The following CDC42BPB variants were observed in gnomAD, a reference collection of about 807,000 sequenced individuals.
CDC42BPB encodes serine/threonine-protein kinase MRCK beta.
CDC42BPB carries 37 observed loss-of-function variants against 214.9 expected under a neutral mutation model. That is an observed-to-expected ratio of 0.17 (90% CI 0.13 to 0.23). The LOEUF (loss-of-function observed/expected upper bound fraction) is 0.23, where lower values mean the gene tolerates loss of function less well. Among genes scored for constraint, CDC42BPB ranks in the 10% least tolerant of loss-of-function variants. CDC42BPB has a pLI of 1.00. For missense variants in CDC42BPB, 1,694 were observed against 2,227.0 expected (o/e 0.76, Z 4.82); for synonymous variants, 931 against 884.0 (o/e 1.05, Z -0.94).
chr14:103,041,518 C>A, intron 1 of CDC42BPB: 1 of 1,397,330 alleles, frequency 7.2e-7, no homozygotes, highest in Admixed American at 1.9e-5. Context: ...CAAGGACTGG[C>A]AGCTGGCTCG....
chr14:102,933,795 G>A lies in CDC42BPB; in HGVS notation c.5053C>T (p.Pro1685Ser). Residue 1685 changes from proline (P) to serine (S), a missense_variant, in exon 37 of 37, where the codon CCC becomes TCC. Around this residue, in one of 7 missense-constraint regions of CDC42BPB, gnomAD observed 146 missense variants for 134.1 expected, o/e 1.09. Coordinates refer to ENST00000361246, the MANE Select transcript of CDC42BPB (RefSeq NM_006035.4). ...GAGTTGGGGCTCGGTGGGCCGCTGG[G>A]GTTGGAGCTATTCGATGGAGTTGAG... ...KHSTPSNSSN[P>S]SGPPSPNSPH... is the part of the protein sequence containing the mutation. The A allele has an allele frequency of 6.6e-7, 1 of 1,512,476 alleles. No homozygotes were observed. Among genetic ancestry groups the A allele is most frequent in the Non-Finnish European group, 8.8e-7 (1 of 1,141,140 alleles). 93.7% of individuals were successfully genotyped at this position (1,512,476 alleles called of 1,614,324 possible).
intron 30 of CDC42BPB, chr14:102,941,703 G>T: frequency 3.3e-6 from 1 of 299,814 alleles, no homozygotes; most frequent in Non-Finnish European, 4.9e-6. Context: ...CTAGTGAAAA[G>T]AACATGGGCT....
At chr14:102,952,344 C>G (rs895236844) in intron 24 of CDC42BPB, among the ~76,000 whole-genome samples, 154 bp downstream of exon 24, 1 of 152,140 alleles carries the variant, frequency 6.6e-6, no homozygotes, top group Admixed American at 6.5e-5. Flanking sequence ...CTCCCCACTC[C>G]CCCTAAAAAA....
chr14:102,964,712 TAAC>T, intron 18 of CDC42BPB, 62 bp from the exon 19 acceptor site: 1 of 1,510,950 alleles, frequency 6.6e-7, no homozygotes, highest in Non-Finnish European at 8.9e-7. Context: ...AAACTAATGT[TAAC>T]AAATAAGTTA....
At chr14:102,975,590 G>T in intron 11 of CDC42BPB, 94 bp downstream of exon 11, 5 of 1,309,790 alleles carry the variant, frequency 3.8e-6, no homozygotes, top group Non-Finnish European at 3.2e-6. Context: ...CTTTTTTTCT[G>T]CTTTCCCACT....
intron 34 of CDC42BPB, 140 bp from the exon 35 acceptor site, chr14:102,938,551 C>G: frequency 7.0e-7 from 1 of 1,426,944 alleles, no homozygotes; most frequent in Non-Finnish European, 9.1e-7. Flanking sequence ...CTGGATTGGA[C>G]AAGGGTTCTG....
At chr14:102,973,865 C>T (rs978801343) in intron 12 of CDC42BPB, 151 bp downstream of exon 12, 352 of 1,015,216 alleles carry the variant, frequency 3.5e-4, no homozygotes, top group Non-Finnish European at 4.4e-4. Context: ...GCAGGGGCCC[C>T]GGGGCCAGGC....
rs117069375 is a variant in CDC42BPB, at chr14:103,046,335, T to C, written c.175+10664A>G. On this transcript the variant is annotated intron_variant, in intron 1 of 36. Coordinates refer to ENST00000361246, the MANE Select transcript of CDC42BPB (RefSeq NM_006035.4). ...CCTCAAATTGGCAGGGTCCATGCTC[T>C]ATTTCCTCATGGTGAGACTCAACAC... Among the ~76,000 whole-genome samples, 69 of 152,260 alleles carry C rather than the reference T, an allele frequency of 4.5e-4. 1 individual carries two copies. In the East Asian group the frequency reaches 9.9e-3, roughly 22 times the overall value.
In CDC42BPB at chr14:102,943,596, C is replaced by T. The variant is rs549571741; in HGVS notation, c.4408+295G>A. Among the ~76,000 whole-genome samples, 6 of 151,852 alleles carry T rather than the reference C, an allele frequency of 4.0e-5. No individual in the cohort carries two copies. Among genetic ancestry groups the T allele is most frequent in the Admixed American group, 1.3e-4 (2 of 15,264 alleles). ...ATGCCACGCCCCGTTCTCGGTTCGCCGAGCCCTTCTGCCCAGGGGCCTATG... is the reference window on the plus strand; with the variant it reads ...ATGCCACGCCCCGTTCTCGGTTCGCTGAGCCCTTCTGCCCAGGGGCCTATG... On this transcript the variant is annotated intron_variant, in intron 30 of 36. Coordinates refer to ENST00000361246, the MANE Select transcript of CDC42BPB (RefSeq NM_006035.4). This position sits in a 1 kb window ranked among gnomAD's most constrained non-coding sequence, Gnocchi z 4.6.
intron 5 of CDC42BPB, among the ~76,000 whole-genome samples, chr14:102,995,003 A>C (rs1322701974): frequency 6.6e-6 from 1 of 151,884 alleles, no homozygotes; most frequent in African/African-American, 2.4e-5. Context: ...TTTTTGTCAG[A>C]TTTCCTCTAC....
intron 19 of CDC42BPB, 82 bp from the exon 20 acceptor site, chr14:102,963,237 G>T: frequency 6.6e-7 from 1 of 1,511,026 alleles, no homozygotes; most frequent in Non-Finnish European, 8.8e-7. Flanking sequence ...GGATGAGAGA[G>T]CCGGGATTTC....
chr14:103,044,185 C>T (rs901331099), intron 1 of CDC42BPB, among the ~76,000 whole-genome samples: 14 of 152,124 alleles, frequency 9.2e-5, no homozygotes, highest in African/African-American at 2.9e-4. Flanking sequence ...TCAAATACTT[C>T]GGGTTAGAAA....
intron 12 of CDC42BPB, among the ~76,000 whole-genome samples, chr14:102,972,619 G>A (rs987788001): frequency 3.4e-5 from 5 of 147,790 alleles, no homozygotes; most frequent in African/African-American, 1.0e-4. Flanking sequence ...AACCTGGGAG[G>A]CAGAGGTTGC....
rs35445593 is a variant in CDC42BPB at position 103,024,941 on chromosome 14, G to C, written c.176-12753C>G. ...TTACTCCCCACATAAGACTTTTTAC[G>C]TGTCAGTTTTAAAATTCAGAGGCAA... On this transcript the variant is annotated intron_variant, in intron 1 of 36. Coordinates refer to ENST00000361246, the MANE Select transcript of CDC42BPB (RefSeq NM_006035.4). Among the ~76,000 whole-genome samples, 175 of 152,060 alleles carry C rather than the reference G, an allele frequency of 1.2e-3. 3 individuals carry two copies. The East Asian group carries it at 0.025, about 21-fold the overall frequency.
rs572976087 is a variant in CDC42BPB at position 103,015,734 on chromosome 14, C to T, written c.176-3546G>A. Reference sequence around the variant, plus strand: ...AAGAGGCTGGAATTTTTATTTGAGACAGAGTCTAGCTTTGTTGCCAGGCTG... The same window carrying T: ...AAGAGGCTGGAATTTTTATTTGAGATAGAGTCTAGCTTTGTTGCCAGGCTG... On this transcript the variant is annotated intron_variant, in intron 1 of 36. Transcript: ENST00000361246. Among the ~76,000 whole-genome samples the T allele has an allele frequency of 9.2e-5, 14 of 152,036 alleles. No homozygotes were observed. In the East Asian group the frequency reaches 2.7e-3, roughly 29 times the overall value.
chr14:102,943,014 G>A lies in CDC42BPB; in HGVS notation c.4408+877C>T, dbSNP rs943967624. Among the ~76,000 whole-genome samples, 11 of 152,066 alleles carry A rather than the reference G, an allele frequency of 7.2e-5. No homozygotes were observed. Among genetic ancestry groups the A allele is most frequent in the African/African-American group, 1.9e-4 (8 of 41,376 alleles). On this transcript the variant is annotated intron_variant, in intron 30 of 36. Transcript: ENST00000361246. This position sits in a 1 kb window ranked among gnomAD's most constrained non-coding sequence, Gnocchi z 4.6. ...CTCCTGAGTAGCTGGGACTACAGGC[G>A]CCCGCCACCACGCCCGGCTAATTTT...
At chr14:102,978,929 T>C (rs1277518078) in intron 8 of CDC42BPB, among the ~76,000 whole-genome samples, 1 of 152,140 alleles carries the variant, frequency 6.6e-6, no homozygotes, top group African/African-American at 2.4e-5. Flanking sequence ...CTTGATTGAA[T>C]ATGGGAGGCT....
rs955104648 is a variant in CDC42BPB at position 103,008,562 on chromosome 14, T to G, written c.268-7A>C. ...TCATTTTGACAACAGCAACCTGCAG[T>G]GCAAATGTGAGTTGAACAAAGATGC... On this transcript the variant is annotated splice_region_variant and splice_polypyrimidine_tract_variant and intron_variant, in intron 2 of 36. Transcript: ENST00000361246. The G allele has an allele frequency of 6.2e-7, 1 of 1,603,464 alleles. No homozygotes were observed. Among genetic ancestry groups the G allele is most frequent in the Middle Eastern group, 1.7e-4 (1 of 6,042 alleles).
chr14:103,005,154 C>A (rs1251557947), intron 3 of CDC42BPB, among the ~76,000 whole-genome samples: 2 of 145,156 alleles, frequency 1.4e-5, no homozygotes, highest in Non-Finnish European at 3.0e-5. Context: ...GGCGACAAAG[C>A]GAGACTCTGT....
Sources: gnomAD v4.1 joint callset for allele counts (sites outside exome capture counted in the v4.1 genomes callset) on GRCh38, gnomAD v4.1.1 for gene constraint, gnomAD v4.1.1 regional missense constraint, Gnocchi (gnomAD v3.1) non-coding constraint, MANE v1.5 for transcripts, NCBI Gene and HGNC (gene_info 2026-07-23, HGNC 2026-07-21) for gene names.